The following PRKAR1A variants were observed in gnomAD, a reference collection of about 807,000 sequenced individuals.
PRKAR1A encodes cAMP-dependent protein kinase type I-alpha regulatory subunit.
In PRKAR1A, 3 loss-of-function variants were observed where a neutral mutation model predicts 52.0. That is an observed-to-expected ratio of 0.06 (90% CI 0.03 to 0.15). The LOEUF is 0.15. Among genes scored for constraint, PRKAR1A ranks in the 10% least tolerant of loss-of-function variants. The pLI is 1.00. For missense variants in PRKAR1A, 240 were observed against 477.4 expected (o/e 0.50, Z 4.63); for synonymous variants, 188 against 168.4 (o/e 1.12, Z -0.90).
chr17:68,442,070 CA>C, the PRKAR1A span, among the ~76,000 whole-genome samples: 1 of 152,202 alleles, frequency 6.6e-6, no homozygotes, highest in East Asian at 1.9e-4. Context: ...AATAGCCCTG[CA>C]CTTTTAAACC....
chr17:68,542,211 A>G, intron 11 of PRKAR1A: 1 of 1,603,058 alleles, frequency 6.2e-7, no homozygotes, highest in Non-Finnish European at 8.5e-7. Context: ...AGGGCTCTGG[A>G]GGCATGACAT....
chr17:68,501,434 G>T, the PRKAR1A span, among the ~76,000 whole-genome samples: 14 of 152,276 alleles, frequency 9.2e-5, no homozygotes, highest in Admixed American at 5.2e-4. Context: ...TCAATAAGCT[G>T]ATGATTTCAA....
chr17:68,521,979 T>G (rs2085626253), intron 2 of PRKAR1A, among the ~76,000 whole-genome samples: 1 of 152,272 alleles, frequency 6.6e-6, no homozygotes, highest in Non-Finnish European at 1.5e-5. Flanking sequence ...AGGTTTTATT[T>G]GAATTGGTCC....
In PRKAR1A at chr17:68,531,773, C is replaced by A. The variant is rs2085981827; in HGVS notation, c.*1324C>A. On this transcript the variant is annotated 3_prime_UTR_variant, in exon 11 of 11. Transcript: ENST00000589228. Reference sequence around the variant, plus strand: ...TTAACTGTATTTCAGTATTTTCCAGCCTTATGTGTTACATTATTCCAATGA... The same window carrying A: ...TTAACTGTATTTCAGTATTTTCCAGACTTATGTGTTACATTATTCCAATGA... 1 of 1,041,290 alleles carries A rather than the reference C, an allele frequency of 9.6e-7. No homozygotes were observed. The highest frequency in any genetic ancestry group is 1.2e-6 in the Non-Finnish European group (1 of 857,084). The allele number at this position is 1,041,290 out of a possible 1,614,324, so 64.5% of individuals were successfully genotyped here. A position where few individuals can be genotyped will look rare whatever the true frequency, so the allele number is the denominator to read the frequency against.
At position 68,539,964 on chromosome 17, in the gene PRKAR1A, T is replaced by TC. The variant is rs1171272712; in HGVS notation, c.973+9966dup. ...ATCTCATAATGGTGCCGGTCCATAT[T>TC]CCCTGTGAAGGAGGGGAGGACTTAG... On this transcript the variant is annotated intron_variant, in intron 11 of 11. Transcript: ENST00000585981. 5.6e-6 allele frequency: 9 copies of TC among 1,613,940 alleles called. No homozygotes were observed. In the Admixed American group the frequency reaches 1.5e-4, roughly 27 times the overall value.
At chr17:68,479,339 T>C in the PRKAR1A span, among the ~76,000 whole-genome samples, 2 of 152,344 alleles carry the variant, frequency 1.3e-5, no homozygotes, top group East Asian at 3.9e-4. Context: ...CTTTTTCCTC[T>C]TGTTGCTTTC....
the PRKAR1A span, among the ~76,000 whole-genome samples, chr17:68,485,369 G>A: frequency 6.6e-6 from 1 of 152,330 alleles, no homozygotes; most frequent in South Asian, 2.1e-4. Flanking sequence ...GTATAATGCA[G>A]CAGTGGGTTT....
chr17:68,508,271 T>C (rs1263906660), upstream of PRKAR1A, among the ~76,000 whole-genome samples: 19 of 152,204 alleles, frequency 1.2e-4, no homozygotes, highest in Non-Finnish European at 2.4e-4. Flanking sequence ...AGCAAAGACA[T>C]GGAATCAACC....
upstream of PRKAR1A, among the ~76,000 whole-genome samples, chr17:68,511,028 CTAATA>C (rs1166765542): frequency 6.6e-6 from 1 of 152,058 alleles, no homozygotes; most frequent in Non-Finnish European, 1.5e-5. Flanking sequence ...AATATTTTAC[CTAATA>C]TATCAAAAAT....
chr17:68,522,703 G>A, intron 2 of PRKAR1A, 53 bp from the exon 3 acceptor site: 3 of 1,584,066 alleles, frequency 1.9e-6, no homozygotes, highest in South Asian at 2.2e-5. Context: ...ACATGAGAGT[G>A]CCAGCTTTAC....
chr17:68,537,511 G>A (rs2086128598), downstream of PRKAR1A: 2 of 1,613,900 alleles, frequency 1.2e-6, no homozygotes, highest in Non-Finnish European at 1.7e-6. This position sits in a 1 kb window ranked among gnomAD's most constrained non-coding sequence, Gnocchi z 4.2. Context: ...AGAGTCTGGG[G>A]CCAACTGTTC....
At chr17:68,417,473 T>TG in the PRKAR1A span, among the ~76,000 whole-genome samples, 2 of 151,870 alleles carry the variant, frequency 1.3e-5, no homozygotes, top group African/African-American at 4.8e-5. Flanking sequence ...GGTGCCGCGG[T>TG]GGGGGGTGGC....
chr17:68,508,931 C>G (rs1485231651), upstream of PRKAR1A, among the ~76,000 whole-genome samples: 1 of 151,966 alleles, frequency 6.6e-6, no homozygotes, highest in Non-Finnish European at 1.5e-5. Flanking sequence ...CTTTGGGTCT[C>G]CTAGGAAGTA....
chr17:68,541,353 C>T (rs1334997831), intron 11 of PRKAR1A: 4 of 249,410 alleles, frequency 1.6e-5, no homozygotes, highest in African/African-American at 8.9e-5. Context: ...CTCTCTCACA[C>T]ATGGTTTTCT....
chr17:68,533,198 C>G lies in PRKAR1A; in HGVS notation c.*2749C>G. On this transcript the variant is annotated 3_prime_UTR_variant, in exon 11 of 11. Transcript: ENST00000589228. ...CATATATAAAGCCTCATATATAAAG[C>G]CTTATTTCTGATGCTCTTAGATTTC... 10 of 1,056,242 alleles carry G rather than the reference C, an allele frequency of 9.5e-6. No individual in the cohort carries two copies. The highest frequency in any genetic ancestry group is 1.1e-5 in the Non-Finnish European group (10 of 871,410). 65.4% of individuals were successfully genotyped at this position (1,056,242 alleles called of 1,614,324 possible). A position where few individuals can be genotyped will look rare whatever the true frequency, so the allele number is the denominator to read the frequency against.
rs1362788861 is a variant in PRKAR1A at position 68,525,007 on chromosome 17, T to C, written c.549+49T>C. On this transcript the variant is annotated intron_variant, in intron 6 of 10. Coordinates refer to ENST00000589228, the MANE Select transcript of PRKAR1A (RefSeq NM_002734.5). ...TATGTTGATCTTAAAAGCCAATGTA[T>C]TGATCGCTTCCGAGCAATAAGAATA... The C allele has an allele frequency of 3.4e-6, 5 of 1,452,740 alleles. No individual in the cohort carries two copies. In the East Asian group the frequency reaches 1.1e-4, roughly 33 times the overall value. 90.0% of individuals were successfully genotyped at this position (1,452,740 alleles called of 1,614,324 possible). A position where few individuals can be genotyped will look rare whatever the true frequency, so the allele number is the denominator to read the frequency against.
Position 68,533,031 on chromosome 17 carries a change from C to A in PRKAR1A, c.*2582C>A. 9.4e-7 allele frequency: 1 copy of A among 1,065,744 alleles called. No homozygotes were observed. The highest frequency in any genetic ancestry group is 1.6e-5 in the African/African-American group (1 of 61,210). 66.0% of individuals were successfully genotyped at this position (1,065,744 alleles called of 1,614,324 possible). ...AATTCAGTCAAAAGCTAAAGATTTC[C>A]TTTTGATTGAAGACAGATTGGTTCT... On this transcript the variant is annotated 3_prime_UTR_variant, in exon 11 of 11. Coordinates refer to ENST00000589228, the MANE Select transcript of PRKAR1A (RefSeq NM_002734.5).
chr17:68,451,200 G>A, the PRKAR1A span, among the ~76,000 whole-genome samples: 3 of 152,244 alleles, frequency 2.0e-5, no homozygotes, highest in Admixed American at 2.0e-4. Context: ...GGAGGCTGAG[G>A]CAGGAGAATC....
chr17:68,418,677 A>G, the PRKAR1A span, among the ~76,000 whole-genome samples: 3 of 152,304 alleles, frequency 2.0e-5, no homozygotes, highest in Non-Finnish European at 4.4e-5. Flanking sequence ...CATATAGTAA[A>G]GGATGTGATA....
Sources: allele counts gnomAD v4.1 joint callset (sites outside exome capture counted in the v4.1 genomes callset), GRCh38; gene constraint gnomAD v4.1.1; non-coding constraint Gnocchi (gnomAD v3.1); transcripts MANE v1.5; gene names NCBI Gene and HGNC (gene_info 2026-07-23, HGNC 2026-07-21).